The following SMG7 variants were observed in gnomAD, a reference collection of about 807,000 sequenced individuals.
The protein encoded by SMG7 is nonsense-mediated mRNA decay factor SMG7.
In SMG7, 34 loss-of-function variants were observed where a neutral mutation model predicts 148.2. The observed-to-expected ratio is 0.23, with a 90% confidence interval of 0.17 to 0.31. SMG7 has a LOEUF of 0.31. Among genes scored for constraint, SMG7 ranks in the 10% least tolerant of loss-of-function variants. SMG7 has a pLI of 1.00. For synonymous variants in SMG7, 492 were observed against 515.1 expected, an observed-to-expected ratio of 0.96 and a Z score of 0.61; for missense variants, 1,114 against 1,408.4, an observed-to-expected ratio of 0.79 and a Z score of 3.35.
chr1:183,477,546 A>ATG (rs1652726313), intron 1 of SMG7, among the ~76,000 whole-genome samples: 7 of 149,116 alleles, frequency 4.7e-5, no homozygotes, highest in Non-Finnish European at 1.0e-4. Flanking sequence ...ATATATGCAT[A>ATG]TATACGTGTG....
chr1:183,543,061 G>C (rs1264925693), intron 14 of SMG7, among the ~76,000 whole-genome samples: 1 of 151,166 alleles, frequency 6.6e-6, no homozygotes, highest in African/African-American at 2.4e-5. Flanking sequence ...TCTTATCCTG[G>C]ATCCTGGGAA....
chr1:183,489,521 T>C (rs993390169), intron 1 of SMG7, among the ~76,000 whole-genome samples: 1 of 152,028 alleles, frequency 6.6e-6, no homozygotes, highest in Non-Finnish European at 1.5e-5. Flanking sequence ...ATGTTGACCA[T>C]AGAGAAATAG....
intron 1 of SMG7, among the ~76,000 whole-genome samples, chr1:183,493,926 T>C (rs560173888): frequency 1.3e-4 from 20 of 152,176 alleles, no homozygotes; most frequent in Non-Finnish European, 2.6e-4. Flanking sequence ...TGAGAGAGTT[T>C]TGGAATCTCC....
rs372706629 is a variant in SMG7, at chr1:183,545,122, G to A, written c.2180G>A (p.Gly727Glu). The change falls in exon 16 of 23, where the codon GGG becomes GAG. Residue 727 changes from glycine (G) to glutamate (E), a missense_variant. Coordinates refer to ENST00000688051, the MANE Select transcript of SMG7 (RefSeq NM_001375584.1). ...AGCCAGCAACGGCCCTCTGGACCAG[G>A]GCCAATGAACCAGGGACCTCAACAA... Reference protein sequence around the residue: ...PYSQQRPSGPGPMNQGPQQSQ... With the variant: ...PYSQQRPSGPEPMNQGPQQSQ... 13 of 1,613,962 alleles carry A rather than the reference G, an allele frequency of 8.1e-6. No individual in the cohort carries two copies. Among genetic ancestry groups the A allele is most frequent in the Non-Finnish European group, 1.1e-5 (13 of 1,179,972 alleles).
intron 4 of SMG7, among the ~76,000 whole-genome samples, chr1:183,526,156 A>ATAT (rs1369384362): frequency 2.6e-3 from 256 of 96,614 alleles, no homozygotes; most frequent in East Asian, 9.5e-3. Flanking sequence ...ATATATATAT[A>ATAT]TTTTTTTTTT....
chr1:183,474,694 A>T (rs907261888), intron 1 of SMG7, among the ~76,000 whole-genome samples: 49 of 152,358 alleles, frequency 3.2e-4, no homozygotes, highest in African/African-American at 1.1e-3. Context: ...TGTACTCATG[A>T]TTCATTAGTT....
At chr1:183,498,217 A>G (rs553635086) in intron 1 of SMG7, among the ~76,000 whole-genome samples, 22 of 152,164 alleles carry the variant, frequency 1.4e-4, no homozygotes, top group Non-Finnish European at 2.5e-4. Context: ...CTAAAATTAT[A>G]TGGAGCTTTG....
chr1:183,525,975 G>T (rs1665747371), intron 4 of SMG7, among the ~76,000 whole-genome samples: 1 of 151,770 alleles, frequency 6.6e-6, no homozygotes, highest in African/African-American at 2.4e-5. Flanking sequence ...TTCTTTGCTT[G>T]CTTAATGTGT....
chr1:183,540,010 C>A (rs1050076310), intron 12 of SMG7, among the ~76,000 whole-genome samples: 4 of 152,196 alleles, frequency 2.6e-5, no homozygotes, highest in African/African-American at 9.6e-5. Context: ...CAAGTTCCAG[C>A]ACTATCCAGC....
In SMG7 at chr1:183,544,946, A is replaced by G. The variant is rs1203505758; in HGVS notation, c.2004A>G (p.Thr668=). Residue 668 remains threonine (T), a synonymous_variant, in exon 16 of 23, where the codon ACA becomes ACG. Transcript: ENST00000688051. ...LPSRPGFPPP[T]YVIPPPVAFS... The stretch of plus-strand genomic sequence containing the variant: ...GTTTTGAAGGGTTTCCGCCCCCAAC[A>G]TATGTTATCCCCCCGCCTGTGGCAT... 3.1e-6 allele frequency: 5 copies of G among 1,613,016 alleles called. No homozygotes were observed. The highest frequency in any genetic ancestry group is 2.2e-5 in the South Asian group (2 of 91,058).
In SMG7 at chr1:183,553,075, G is replaced by A. The variant is rs1410546017; in HGVS notation, c.*1144G>A. 6.5e-7 allele frequency: 1 copy of A among 1,536,238 alleles called. No homozygotes were observed. The highest frequency in any genetic ancestry group is 1.2e-5 in the South Asian group (1 of 84,070). On this transcript the variant is annotated 3_prime_UTR_variant, in exon 23 of 23. Coordinates refer to ENST00000688051, the MANE Select transcript of SMG7 (RefSeq NM_001375584.1). ...TAGCCCACAGAGGGCCCAGGCCCCT[G>A]CCCAGCTGCAGTCTCCCAGCCTCCA...
Position 183,544,430 on chromosome 1 carries a change from A to G in SMG7, c.1920A>G (p.Gln640=). Reference sequence around the variant, plus strand: ...CACCTGTAACTCAAACCCCAACTCAAGCAAGTAACTCCCAGTTCATCCCCA... The same window carrying G: ...CACCTGTAACTCAAACCCCAACTCAGGCAAGTAACTCCCAGTTCATCCCCA... ...RKTPVTQTPT[Q]ASNSQFIPIH... The change falls in exon 15 of 23, where the codon CAA becomes CAG. Residue 640 remains glutamine (Q), a synonymous_variant. Coordinates refer to ENST00000688051, the MANE Select transcript of SMG7 (RefSeq NM_001375584.1). The G allele has an allele frequency of 1.9e-6, 3 of 1,614,036 alleles. No homozygotes were observed. The highest frequency in any genetic ancestry group is 2.5e-6 in the Non-Finnish European group (3 of 1,179,918).
Position 183,553,278 on chromosome 1 carries a change from G to A in SMG7, c.*1347G>A. ...GTAGAAACAGAAGGACAGCATTTCT[G>A]TTAGTCATTTCCTGGAAAAGTAATA... On this transcript the variant is annotated 3_prime_UTR_variant, in exon 23 of 23. Coordinates refer to ENST00000688051, the MANE Select transcript of SMG7 (RefSeq NM_001375584.1). 7.5e-7 allele frequency: 1 copy of A among 1,341,470 alleles called. No individual in the cohort carries two copies. The highest frequency in any genetic ancestry group is 1.0e-6 in the Non-Finnish European group (1 of 999,518). The allele number at this position is 1,341,470 out of a possible 1,614,324, so 83.1% of individuals were successfully genotyped here.
Position 183,526,733 on chromosome 1 carries a change from C to G in SMG7, c.450C>G (p.Ile150Met). The G allele has an allele frequency of 6.2e-7, 1 of 1,613,612 alleles. No homozygotes were observed. The highest frequency in any genetic ancestry group is 8.5e-7 in the Non-Finnish European group (1 of 1,179,708). The change falls in exon 5 of 23, where the codon ATC becomes ATG. Residue 150 changes from isoleucine (I) to methionine (M), a missense_variant. Ile to Met is a conservative substitution (Grantham distance 10). Transcript: ENST00000688051. Reference sequence around the variant, plus strand: ...CACAGTCTAGCTCCTGTTCCTATATCTGCCAGCACTGCCTCGTCCACCTTG... The same window carrying G: ...CACAGTCTAGCTCCTGTTCCTATATGTGCCAGCACTGCCTCGTCCACCTTG... Reference protein sequence around the residue: ...VKPQSSSCSYICQHCLVHLGD... With the variant: ...VKPQSSSCSYMCQHCLVHLGD...
At position 183,526,619 on chromosome 1, in the gene SMG7, A is replaced by T; in HGVS notation, c.336A>T (p.Val112=). 1 of 1,612,884 alleles carries T rather than the reference A, an allele frequency of 6.2e-7. No homozygotes were observed. Among genetic ancestry groups the T allele is most frequent in the African/African-American group, 1.3e-5 (1 of 75,010 alleles). Residue 112 remains valine, a synonymous_variant, in exon 5 of 23, where the codon GTA becomes GTT. Transcript: ENST00000688051. ...AGTTATTACAAGAACTGTGTACAGT[A>T]TTTAATGTAGATTTACCATGCCGTG... ...YTQLLQELCT[V]FNVDLPCRVK... is the part of the protein sequence containing the mutation.
intron 19 of SMG7, among the ~76,000 whole-genome samples, 153 bp downstream of exon 19, chr1:183,549,441 G>A (rs893375047): frequency 6.6e-6 from 1 of 152,028 alleles, no homozygotes; most frequent in Non-Finnish European, 1.5e-5. Context: ...TCTGATTGGG[G>A]CATACTAGTG....
intron 8 of SMG7, among the ~76,000 whole-genome samples, chr1:183,530,826 G>C (rs554632888): frequency 1.3e-5 from 2 of 152,048 alleles, no homozygotes; most frequent in African/African-American, 2.4e-5. Context: ...ATTGCTTCCA[G>C]CTCTGGTTCT....
At chr1:183,478,389 CTT>C (rs1653207117) in intron 1 of SMG7, among the ~76,000 whole-genome samples, 1 of 152,062 alleles carries the variant, frequency 6.6e-6, no homozygotes, top group African/African-American at 2.4e-5. Flanking sequence ...GCTTATAAGT[CTT>C]TGTTATAACA....
intron 13 of SMG7, among the ~76,000 whole-genome samples, chr1:183,541,316 C>T (rs751055400): frequency 6.6e-6 from 1 of 152,232 alleles, no homozygotes; most frequent in Non-Finnish European, 1.5e-5. Flanking sequence ...TTTAGAATCT[C>T]TGTTCTCCCT....
Sources: allele counts gnomAD v4.1 joint callset (sites outside exome capture counted in the v4.1 genomes callset), GRCh38; gene constraint gnomAD v4.1.1; transcripts MANE v1.5; gene names NCBI Gene and HGNC (gene_info 2026-07-23, HGNC 2026-07-21).